Variants in ZNF518A observed in about 807,000 individuals in gnomAD.
ZNF518A encodes zinc finger protein 518A, also known as zinc finger protein 518.
ZNF518A carries 47 observed loss-of-function variants against 102.7 expected under a neutral mutation model. That is an observed-to-expected ratio of 0.46 (90% CI 0.36 to 0.58). The LOEUF (loss-of-function observed/expected upper bound fraction) is 0.58, where lower values mean the gene tolerates loss of function less well. Ranked by LOEUF, ZNF518A falls within the 20% of genes least tolerant of loss-of-function variation. ZNF518A has a pLI of 0.00. For missense variants in ZNF518A, 1,793 were observed against 1,699.8 expected (o/e 1.05, Z -0.96); for synonymous variants, 652 against 594.6 (o/e 1.10, Z -1.40).
chr10:96,203,331 A>G (rs1430634188), intron 1 of ZNF518A, among the ~76,000 whole-genome samples: 2 of 152,194 alleles, frequency 1.3e-5, no homozygotes, highest in East Asian at 3.8e-4. Flanking sequence ...TTTAAGATGA[A>G]TATTATTAAA....
intron 1 of ZNF518A, among the ~76,000 whole-genome samples, chr10:96,182,851 A>G (rs187154114): frequency 2.0e-5 from 3 of 152,344 alleles, no homozygotes; most frequent in Admixed American, 1.3e-4. Context: ...AGTGTTAGGG[A>G]GGATTCCCTC....
chr10:96,154,163 T>G (rs587760181), intron 3 of ZNF518A, among the ~76,000 whole-genome samples: 2 of 152,296 alleles, frequency 1.3e-5, no homozygotes, highest in Non-Finnish European at 2.9e-5. Context: ...AAACCTCATC[T>G]CTACAAAAAA....
downstream of ZNF518A, among the ~76,000 whole-genome samples, chr10:96,168,059 A>G (rs1253299109): frequency 1.3e-5 from 2 of 152,216 alleles, no homozygotes; most frequent in Non-Finnish European, 2.9e-5. Context: ...ATGTCCATCA[A>G]CATAGTTTTA....
In ZNF518A at chr10:96,130,551, G is replaced by A; in HGVS notation, c.-654G>A. 1 of 152,530 alleles carries A rather than the reference G, an allele frequency of 6.6e-6. No homozygotes were observed. Among genetic ancestry groups the A allele is most frequent in the Non-Finnish European group, 1.5e-5 (1 of 68,178 alleles). 9.4% of individuals were successfully genotyped at this position (152,530 alleles called of 1,614,324 possible). ...TTTGGGGCGAAGCTGGGCGCGCGGC[G>A]CTCGAAGCACTCACTCGGCGGGTTT... On this transcript the variant is annotated 5_prime_UTR_variant, in exon 1 of 6. Transcript: ENST00000316045.
chr10:96,196,977 A>G (rs782763305), intron 1 of ZNF518A: 1 of 1,613,332 alleles, frequency 6.2e-7, no homozygotes, highest in African/African-American at 1.3e-5. Context: ...CAGGAATATT[A>G]TATACTCGCT....
rs1554888008 is a variant in ZNF518A, at chr10:96,161,477, T to G, written c.*703T>G. ...CAAATGTTGCAGTAGATGGGCAGCT[T>G]CAAGAGAAGAATTTAAACTCTTTGT... is the stretch of plus-strand genomic sequence containing the variant. On this transcript the variant is annotated 3_prime_UTR_variant, in exon 6 of 6. Coordinates refer to ENST00000316045, the MANE Select transcript of ZNF518A (RefSeq NM_001330736.2). 1 of 166,824 alleles carries G rather than the reference T, an allele frequency of 6.0e-6. No homozygotes were observed. The highest frequency in any genetic ancestry group is 1.5e-5 in the Non-Finnish European group (1 of 68,054). The allele number at this position is 166,824 out of a possible 1,614,324, so 10.3% of individuals were successfully genotyped here. A position where few individuals can be genotyped will look rare whatever the true frequency, so the allele number is the denominator to read the frequency against.
At chr10:96,155,057 AT>A (rs797032387) in intron 3 of ZNF518A, among the ~76,000 whole-genome samples, 10 of 150,784 alleles carry the variant, frequency 6.6e-5, no homozygotes, top group African/African-American at 2.4e-4. Context: ...ATTCATACAT[AT>A]ATATATATAT....
intron 1 of ZNF518A, among the ~76,000 whole-genome samples, chr10:96,193,751 A>G (rs587745938): frequency 2.3e-4 from 35 of 152,332 alleles, no homozygotes; most frequent in Middle Eastern, 3.4e-3. Context: ...TCAATGTTGT[A>G]TCACACAGTG....
downstream of ZNF518A, among the ~76,000 whole-genome samples, chr10:96,168,699 G>A (rs1241152544): frequency 4.6e-5 from 7 of 151,992 alleles, no homozygotes; most frequent in African/African-American, 1.2e-4. Context: ...TCTGGCCTCC[G>A]TGATTTCTGA....
At chr10:96,172,403 T>C (rs1023043857) in intron 1 of ZNF518A, among the ~76,000 whole-genome samples, 3 of 151,974 alleles carry the variant, frequency 2.0e-5, no homozygotes, top group Non-Finnish European at 4.4e-5. Flanking sequence ...AAAAGAACCA[T>C]AATAGTAAAT....
At chr10:96,143,832 T>A (rs2082049280) in intron 3 of ZNF518A, among the ~76,000 whole-genome samples, 1 of 152,220 alleles carries the variant, frequency 6.6e-6, no homozygotes, top group Non-Finnish European at 1.5e-5. Context: ...TCATTTCTTT[T>A]AAAAAAATTA....
At chr10:96,191,921 G>T (rs1344244009) in intron 1 of ZNF518A, 9 of 1,610,260 alleles carry the variant, frequency 5.6e-6, no homozygotes, top group Admixed American at 1.7e-5. Context: ...CTCAAAAGGA[G>T]AAACTTTGGG....
At position 96,158,853 on chromosome 10, in the gene ZNF518A, G is replaced by A. The variant is rs373609339; in HGVS notation, c.2531G>A (p.Gly844Asp). ...KVQGIFPVPPGSVGINVPTND... is the reference protein window; with the variant it reads ...KVQGIFPVPPDSVGINVPTND... The stretch of plus-strand genomic sequence containing the variant: ...CAAGGCATCTTCCCAGTTCCACCTG[G>A]CAGTGTGGGTATTAATGTGCCTACA... Residue 844 changes from glycine to aspartate, a missense_variant, in exon 6 of 6, where the codon GGC becomes GAC. By Grantham distance (94) the Gly-to-Asp change is moderately conservative. Around this residue, in one of 3 missense-constraint regions of ZNF518A, gnomAD observed 1,741 missense variants for 1,622.6 expected, o/e 1.07. Coordinates refer to ENST00000316045, the MANE Select transcript of ZNF518A (RefSeq NM_001330736.2). 177 of 1,613,762 alleles carry A rather than the reference G, an allele frequency of 1.1e-4. 1 individual carries two copies. In the African/African-American group the frequency reaches 2.2e-3, roughly 20 times the overall value.
At chr10:96,150,742 C>CTTTTTTTTTTTT (rs1564759772) in intron 3 of ZNF518A, among the ~76,000 whole-genome samples, 1 of 14,538 alleles carries the variant, frequency 6.9e-5, no homozygotes, top group Admixed American at 9.7e-4. Flanking sequence ...TTCTTTCTTT[C>CTTTTTTTTTTTT]CTTTTTTTTT....
At chr10:96,142,870 A>G (rs2082004887) in intron 3 of ZNF518A, among the ~76,000 whole-genome samples, 1 of 150,034 alleles carries the variant, frequency 6.7e-6, no homozygotes, top group Admixed American at 6.7e-5. Flanking sequence ...CAGTGGCGTG[A>G]TCCCGGCTCA....
In ZNF518A at chr10:96,160,203, C is replaced by G. The variant is rs1554886977; in HGVS notation, c.3881C>G (p.Thr1294Arg). The G allele has an allele frequency of 1.2e-6, 2 of 1,610,716 alleles. No homozygotes were observed. Among genetic ancestry groups the G allele is most frequent in the Non-Finnish European group, 1.7e-6 (2 of 1,178,636 alleles). The change falls in exon 6 of 6, where the codon ACA becomes AGA. Residue 1294 changes from threonine to arginine, a missense_variant. This residue lies in a region of ZNF518A where 1,741 missense variants were observed against 1,622.6 expected (regional missense o/e 1.07). Coordinates refer to ENST00000316045, the MANE Select transcript of ZNF518A (RefSeq NM_001330736.2). Reference protein sequence around the residue: ...SYQEPPRRKATLHRKCKEKAK... With the variant: ...SYQEPPRRKARLHRKCKEKAK... ...CAAGAACCTCCAAGAAGAAAAGCAA[C>G]ATTGCATAGAAAGTGTAAAGAAAAG... is the stretch of plus-strand genomic sequence containing the variant.
At chr10:96,173,538 A>T (rs1564800993) in intron 1 of ZNF518A, among the ~76,000 whole-genome samples, 1 of 152,196 alleles carries the variant, frequency 6.6e-6, no homozygotes, top group East Asian at 1.9e-4. Flanking sequence ...TAAAGAGGGA[A>T]ATTTTATAAC....
At chr10:96,175,251 C>G (rs926581925) in intron 1 of ZNF518A, among the ~76,000 whole-genome samples, 10 of 152,244 alleles carry the variant, frequency 6.6e-5, no homozygotes, top group Non-Finnish European at 1.3e-4. Context: ...ACTAGTAAAT[C>G]AAGCCTGGGG....
At chr10:96,171,340 ATAT>A (rs1217050487) in intron 1 of ZNF518A, among the ~76,000 whole-genome samples, 2 of 152,244 alleles carry the variant, frequency 1.3e-5, no homozygotes, top group African/African-American at 2.4e-5. Flanking sequence ...ATACAATTGA[ATAT>A]TATTCAATCA....
Sources: gnomAD v4.1 joint callset for allele counts (sites outside exome capture counted in the v4.1 genomes callset) on GRCh38, gnomAD v4.1.1 for gene constraint, gnomAD v4.1.1 regional missense constraint, MANE v1.5 for transcripts, NCBI Gene and HGNC (gene_info 2026-07-23, HGNC 2026-07-21) for gene names.